The following RERE variants were observed in gnomAD, a reference collection of about 807,000 sequenced individuals.
RERE encodes arginine-glutamic acid dipeptide repeats protein.
RERE carries 40 observed loss-of-function variants against 146.1 expected under a neutral mutation model. That is an observed-to-expected ratio of 0.27 (90% CI 0.21 to 0.36). The LOEUF (loss-of-function observed/expected upper bound fraction) is 0.36, where lower values mean the gene tolerates loss of function less well. Ranked by LOEUF, RERE falls within the 10% of genes least tolerant of loss-of-function variation. The pLI, the probability that RERE is intolerant of heterozygous loss-of-function variation, is 1.00. For missense variants in RERE, 1,933 were observed against 2,138.7 expected, an observed-to-expected ratio of 0.90 and a Z score of 1.90; for synonymous variants, 1,003 against 866.0, an observed-to-expected ratio of 1.16 and a Z score of -2.78.
At chr1:8,407,116 G>A (rs988666089) in intron 12 of RERE, among the ~76,000 whole-genome samples, 12 of 152,182 alleles carry the variant, frequency 7.9e-5, no homozygotes, top group African/African-American at 2.9e-4. Context: ...AACCCTCTGT[G>A]GTACAGGCTC....
chr1:8,377,748 G>C (rs1011933420), intron 12 of RERE, among the ~76,000 whole-genome samples: 2 of 151,978 alleles, frequency 1.3e-5, no homozygotes, highest in Non-Finnish European at 2.9e-5. Context: ...AATATACATC[G>C]GCAATGTAAC....
chr1:8,514,995 G>A (rs1458167088), intron 7 of RERE, among the ~76,000 whole-genome samples: 2 of 152,058 alleles, frequency 1.3e-5, no homozygotes, highest in Admixed American at 6.6e-5. Context: ...AGGTATTAAG[G>A]CATTTAATTC....
intron 12 of RERE, among the ~76,000 whole-genome samples, chr1:8,383,865 TAAATA>T (rs59971377): frequency 0.22 from 33,044 of 148,274 alleles, 4,153 homozygotes; most frequent in African/African-American, 0.33. Flanking sequence ...TCTCAAAAAA[TAAATA>T]AAATAAAATA....
intron 7 of RERE, among the ~76,000 whole-genome samples, chr1:8,514,735 AAAAAGAAAGAAAAG>A (rs1177122408): frequency 2.9e-4 from 44 of 152,214 alleles, no homozygotes; most frequent in African/African-American, 8.9e-4. Context: ...CGCCTCAAAA[AAAAAGAAAGAAAAG>A]AAAAGAAAGA....
intron 2 of RERE, among the ~76,000 whole-genome samples, chr1:8,643,005 C>G (rs1647200398): frequency 6.6e-6 from 1 of 152,186 alleles, no homozygotes; most frequent in Non-Finnish European, 1.5e-5. Flanking sequence ...TTCCAAGTAC[C>G]TGGGATACAT....
chr1:8,773,600 C>T (rs1430926095), intron 1 of RERE, among the ~76,000 whole-genome samples: 1 of 152,060 alleles, frequency 6.6e-6, no homozygotes, highest in Non-Finnish European at 1.5e-5. Flanking sequence ...CCAGGGTGGG[C>T]GAATCACAAG....
intron 1 of RERE, among the ~76,000 whole-genome samples, chr1:8,688,183 A>G (rs1268717668): frequency 2.0e-5 from 3 of 152,198 alleles, no homozygotes; most frequent in Non-Finnish European, 4.4e-5. Context: ...AACGCCTATA[A>G]TCTCAACACT....
intron 10 of RERE, among the ~76,000 whole-genome samples, chr1:8,483,737 T>C (rs1334095418): frequency 2.0e-5 from 3 of 152,144 alleles, no homozygotes; most frequent in African/African-American, 7.2e-5. Flanking sequence ...GATGAAAAAC[T>C]ATGAAGCCAC....
At chr1:8,631,815 G>C (rs1647039564) in intron 2 of RERE, among the ~76,000 whole-genome samples, 1 of 152,156 alleles carries the variant, frequency 6.6e-6, no homozygotes, top group Admixed American at 6.5e-5. Context: ...TGTGCTGTAA[G>C]AGAATAAAAG....
intron 3 of RERE, among the ~76,000 whole-genome samples, chr1:8,618,750 T>C (rs1260588657): frequency 6.6e-6 from 1 of 152,234 alleles, no homozygotes; most frequent in African/African-American, 2.4e-5. Context: ...CAGCATCATC[T>C]ATGGTCCTAA....
intron 4 of RERE, among the ~76,000 whole-genome samples, chr1:8,603,938 C>CAAAAAAAAAAAAAAAAA (rs61119278): frequency 8.0e-6 from 1 of 124,924 alleles, no homozygotes; most frequent in African/African-American, 3.1e-5. Flanking sequence ...GACCCTGTCT[C>CAAAAAAAAAAAAAAAAA]AAAAAAAAAA....
intron 3 of RERE, among the ~76,000 whole-genome samples, chr1:8,617,704 T>C (rs1338333303): frequency 6.6e-6 from 1 of 152,148 alleles, no homozygotes; most frequent in Non-Finnish European, 1.5e-5. Context: ...GTAAGGCATT[T>C]TTCATAACAC....
intron 4 of RERE, among the ~76,000 whole-genome samples, chr1:8,585,747 G>A (rs1464088036): frequency 6.6e-6 from 1 of 152,160 alleles, no homozygotes; most frequent in Non-Finnish European, 1.5e-5. Context: ...TGAAAACTGG[G>A]TAAATAAACG....
In RERE at chr1:8,497,500, A is replaced by T. The variant is rs770696355; in HGVS notation, c.909T>A (p.Pro303=). 5 of 1,614,192 alleles carry T rather than the reference A, an allele frequency of 3.1e-6. No individual in the cohort carries two copies. In the South Asian group the frequency reaches 3.3e-5, roughly 11 times the overall value. Residue 303 remains proline, a synonymous_variant, in exon 9 of 23, where the codon CCT becomes CCA. Coordinates refer to ENST00000400908, the MANE Select transcript of RERE (RefSeq NM_001042681.2). The part of the protein sequence containing the change: ...QAKLPDLQPF[P]SPDGDTVTQH... The stretch of plus-strand genomic sequence containing the variant: ...GGGTCACTGTATCACCATCTGGAGA[A>T]GGAAATGGTTGCAGATCTGGAAGTT...
At chr1:8,511,251 G>A (rs1431313094) in intron 7 of RERE, among the ~76,000 whole-genome samples, 1 of 151,968 alleles carries the variant, frequency 6.6e-6, no homozygotes, top group East Asian at 1.9e-4. Context: ...AAATGTATTG[G>A]GCCATCTTAA....
chr1:8,640,408 A>C (rs974327842), intron 2 of RERE, among the ~76,000 whole-genome samples: 2 of 152,174 alleles, frequency 1.3e-5, no homozygotes, highest in African/African-American at 4.8e-5. Flanking sequence ...AGGGATATAA[A>C]ACTGTACCTT....
chr1:8,465,638 AAAC>A (rs1459448585), intron 11 of RERE: 3 of 478,206 alleles, frequency 6.3e-6, no homozygotes, highest in Non-Finnish European at 1.2e-5. Flanking sequence ...CTTGCACCAA[AAAC>A]AAGTTCAAAT....
At chr1:8,700,581 T>G (rs1317130893) in intron 1 of RERE, among the ~76,000 whole-genome samples, 1 of 152,218 alleles carries the variant, frequency 6.6e-6, no homozygotes, top group Non-Finnish European at 1.5e-5. Context: ...ACCCAGCCCA[T>G]GGCCAAACTG....
At chr1:8,487,305 A>G (rs997857988) in intron 10 of RERE, among the ~76,000 whole-genome samples, 1 of 152,186 alleles carries the variant, frequency 6.6e-6, no homozygotes, top group Non-Finnish European at 1.5e-5. Context: ...AAGAAAGGCC[A>G]GGTGCAGTGG....
Sources: gnomAD v4.1 joint callset for allele counts (sites outside exome capture counted in the v4.1 genomes callset) on GRCh38, gnomAD v4.1.1 for gene constraint, MANE v1.5 for transcripts, NCBI Gene and HGNC (gene_info 2026-07-23, HGNC 2026-07-21) for gene names.